Variants in EDIL3 observed in about 807,000 individuals in gnomAD.
The protein encoded by EDIL3 is EGF-like repeat and discoidin I-like domain-containing protein 3.
Under a neutral mutation model 67.4 loss-of-function variants are expected in EDIL3, and 37 were observed. The observed-to-expected ratio is 0.55, with a 90% CI of 0.42 to 0.72. The LOEUF is 0.72. Among genes scored for constraint, EDIL3 ranks in the 30% least tolerant of loss-of-function variants. The probability of loss-of-function intolerance (pLI) is 0.00; values close to 1 mark genes in which losing one functional copy is unlikely to be tolerated. For synonymous variants in EDIL3, 195 were observed against 196.3 expected (o/e 0.99, Z 0.05); for missense variants, 527 against 586.3 (o/e 0.90, Z 1.04).
chr5:84,187,232 CA>C (rs1743479844), intron 3 of EDIL3, among the ~76,000 whole-genome samples: 1 of 152,058 alleles, frequency 6.6e-6, no homozygotes, highest in Non-Finnish European at 1.5e-5. Flanking sequence ...AGTATGTCAA[CA>C]AGATTAATTC....
rs557027119 is a variant in EDIL3 at position 84,116,741 on chromosome 5, T to C, written c.470-9911A>G. Among the ~76,000 whole-genome samples, 16 of 152,312 alleles carry C rather than the reference T, an allele frequency of 1.1e-4. No individual in the cohort carries two copies. The Middle Eastern group carries it at 0.01, about 97-fold the overall frequency. On this transcript the variant is annotated intron_variant, in intron 5 of 10. Transcript: ENST00000296591. ...AACATAGAACTTTAAACATAACAAA[T>C]GTAAAGCTACTAAAACAAAGGATGC...
intron 9 of EDIL3, among the ~76,000 whole-genome samples, chr5:83,998,185 C>T (rs1180534393): frequency 6.6e-6 from 1 of 152,166 alleles, no homozygotes; most frequent in Non-Finnish European, 1.5e-5. Context: ...GTCACCCCTC[C>T]TCCAACTCCA....
At chr5:84,112,591 G>C (rs985780748) in intron 5 of EDIL3, among the ~76,000 whole-genome samples, 1 of 152,108 alleles carries the variant, frequency 6.6e-6, no homozygotes, top group African/African-American at 2.4e-5. Flanking sequence ...TACTGATTTT[G>C]GTGGGCTACT....
intron 2 of EDIL3, among the ~76,000 whole-genome samples, chr5:84,253,638 A>G (rs1445953287): frequency 6.6e-6 from 1 of 152,146 alleles, no homozygotes; most frequent in East Asian, 1.9e-4. Context: ...TAGAAATATA[A>G]AATATATTTA....
chr5:83,951,384 C>G (rs1324742360), intron 10 of EDIL3, among the ~76,000 whole-genome samples: 1 of 151,758 alleles, frequency 6.6e-6, no homozygotes, highest in African/African-American at 2.4e-5. Context: ...TCATGTTCCT[C>G]ATGTATATAA....
At chr5:84,000,086 T>C (rs1429053168) in intron 9 of EDIL3, among the ~76,000 whole-genome samples, 4 of 152,006 alleles carry the variant, frequency 2.6e-5, no homozygotes, top group African/African-American at 9.7e-5. Flanking sequence ...ATAAAGACTT[T>C]CCCAGGCAAA....
intron 6 of EDIL3, among the ~76,000 whole-genome samples, chr5:84,078,992 G>C (rs1746915696): frequency 6.6e-6 from 1 of 152,144 alleles, no homozygotes; most frequent in Non-Finnish European, 1.5e-5. Context: ...CGTCCTCTAG[G>C]AAGAGGAGAG....
At chr5:83,949,722 G>A (rs998467921) in intron 10 of EDIL3, among the ~76,000 whole-genome samples, 1 of 151,798 alleles carries the variant, frequency 6.6e-6, no homozygotes, top group Non-Finnish European at 1.5e-5. Context: ...TCATTCCAGT[G>A]ATCAGTGTAC....
chr5:84,052,464 A>G (rs963044618), intron 9 of EDIL3, among the ~76,000 whole-genome samples: 1 of 152,100 alleles, frequency 6.6e-6, no homozygotes, highest in African/African-American at 2.4e-5. Flanking sequence ...TACAATATTA[A>G]CCTTAAATAT....
intron 9 of EDIL3, chr5:84,047,567 G>A (rs1726838842): frequency 6.6e-6 from 1 of 152,048 alleles, no homozygotes; most frequent in Non-Finnish European, 1.5e-5. Flanking sequence ...ACCTTGTGAA[G>A]AAATTAGCTG....
chr5:84,094,860 A>C (rs1399684996), intron 6 of EDIL3, among the ~76,000 whole-genome samples: 2 of 152,226 alleles, frequency 1.3e-5, no homozygotes, highest in African/African-American at 4.8e-5. Context: ...AACAAAGAAA[A>C]ATCAAATAGC....
intron 4 of EDIL3, among the ~76,000 whole-genome samples, chr5:84,141,952 G>GATCTATCTATCTATCT (rs70975543): frequency 0.03 from 3,224 of 108,264 alleles, 103 homozygotes; most frequent in Non-Finnish European, 0.032. Flanking sequence ...TATATACATA[G>GATCTATCTATCTATCT]ATCTATCTAT....
chr5:84,117,256 T>C lies in EDIL3; in HGVS notation c.470-10426A>G, dbSNP rs182621697. Among the ~76,000 whole-genome samples, 1,509 of 152,070 alleles carry C rather than the reference T, an allele frequency of 9.9e-3. 25 individuals carry two copies. Among genetic ancestry groups the C allele is most frequent in the African/African-American group, 0.035 (1,454 of 41,502 alleles). ...CGTGTTAGCCAGGATGGTCTCGATC[T>C]CCTGACCTCGTGATCCACCCGCCTT... On this transcript the variant is annotated intron_variant, in intron 5 of 10. Coordinates refer to ENST00000296591, the MANE Select transcript of EDIL3 (RefSeq NM_005711.5).
chr5:84,172,623 T>C (rs545174064), intron 4 of EDIL3, among the ~76,000 whole-genome samples: 5 of 151,500 alleles, frequency 3.3e-5, no homozygotes, highest in African/African-American at 1.2e-4. Flanking sequence ...AAAATAAAAA[T>C]AAAAGAAAAA....
chr5:84,086,156 C>T (rs1456919557), intron 6 of EDIL3, among the ~76,000 whole-genome samples: 1 of 152,142 alleles, frequency 6.6e-6, no homozygotes, highest in African/African-American at 2.4e-5. Flanking sequence ...GCCCCCTTTC[C>T]AGAGGAGTGG....
chr5:83,944,743 C>T (rs1744283488), intron 10 of EDIL3, among the ~76,000 whole-genome samples: 1 of 151,916 alleles, frequency 6.6e-6, no homozygotes, highest in Non-Finnish European at 1.5e-5. Context: ...CTCTTCAACG[C>T]TTTCTGTTTT....
At chr5:84,261,308 T>C (rs974386189) in intron 1 of EDIL3, among the ~76,000 whole-genome samples, 3 of 152,190 alleles carry the variant, frequency 2.0e-5, no homozygotes, top group East Asian at 3.8e-4. Flanking sequence ...ACAAAATAAA[T>C]GTCATTTTTA....
intron 9 of EDIL3, among the ~76,000 whole-genome samples, chr5:84,008,011 T>C (rs1029908892): frequency 3.9e-5 from 6 of 152,072 alleles, no homozygotes; most frequent in Non-Finnish European, 8.8e-5. Flanking sequence ...TCACGTCAAA[T>C]GAAAGAAGCT....
At chr5:84,279,677 T>G (rs1395114771) in intron 1 of EDIL3, among the ~76,000 whole-genome samples, 1 of 152,176 alleles carries the variant, frequency 6.6e-6, no homozygotes, top group Admixed American at 6.5e-5. Flanking sequence ...TTGCTATCAC[T>G]CTTCCTTGTC....
Sources: allele counts gnomAD v4.1 joint callset (sites outside exome capture counted in the v4.1 genomes callset), GRCh38; gene constraint gnomAD v4.1.1; transcripts MANE v1.5; gene names NCBI Gene and HGNC (gene_info 2026-07-23, HGNC 2026-07-21).